The following NAV2 variants were observed in gnomAD, a reference collection of about 807,000 sequenced individuals.
The protein encoded by NAV2 is helicase, APC down-regulated 1.
A neutral mutation model predicts 223.2 loss-of-function variants in NAV2; 54 were observed. That is an observed-to-expected ratio of 0.24 (90% CI 0.19 to 0.30). NAV2 has a LOEUF of 0.30. Ranked by LOEUF, NAV2 falls within the 10% of genes least tolerant of loss-of-function variation. The probability of loss-of-function intolerance (pLI) is 1.00; values close to 1 mark genes in which losing one functional copy is unlikely to be tolerated. For missense variants in NAV2, 2,806 were observed against 3,147.5 expected (o/e 0.89, Z 2.60); for synonymous variants, 1,279 against 1,239.3 (o/e 1.03, Z -0.67).
chr11:19,825,291 CAAAAAAAAAAAAAAAAAAA>C (rs58499844), intron 1 of NAV2, among the ~76,000 whole-genome samples: 1 of 48,206 alleles, frequency 2.1e-5, no homozygotes, highest in Non-Finnish European at 3.3e-5. Context: ...GACTCTGTCT[CAAAAAAAAAAAAAAAAAAA>C]AAAAAAAAAA....
chr11:19,540,829 T>G (rs1045986232), intron 1 of NAV2, among the ~76,000 whole-genome samples: 1 of 152,126 alleles, frequency 6.6e-6, no homozygotes. Context: ...GGAGGCAAGG[T>G]TGAAATGAGC....
upstream of NAV2, among the ~76,000 whole-genome samples, chr11:19,708,528 G>A (rs1033684385): frequency 1.3e-5 from 2 of 152,088 alleles, no homozygotes; most frequent in Non-Finnish European, 2.9e-5. Context: ...CTGTCTTCTT[G>A]GGAGGTCAGG....
intron 7 of NAV2, among the ~76,000 whole-genome samples, chr11:19,934,531 A>C (rs540580967): frequency 2.0e-4 from 31 of 152,272 alleles, no homozygotes; most frequent in African/African-American, 6.7e-4. Flanking sequence ...CCCAGGATGC[A>C]TAGGAAAGTG....
intron 11 of NAV2, among the ~76,000 whole-genome samples, chr11:19,986,580 A>T (rs1199419225): frequency 6.6e-6 from 1 of 152,208 alleles, no homozygotes; most frequent in Non-Finnish European, 1.5e-5. Context: ...AGATTGTGCC[A>T]TTGCAGCCAT....
rs146720224 is a variant in NAV2, at chr11:20,097,676, G to A, written c.6112G>A (p.Glu2038Lys). 5.8e-3 allele frequency: 9,375 copies of A among 1,613,376 alleles called. 47 individuals carry two copies. The highest frequency in any genetic ancestry group is 7.2e-3 in the Non-Finnish European group (8,438 of 1,179,830). Residue 2038 changes from glutamate to lysine, a missense_variant, in exon 31 of 38, where the codon GAA (glutamate) becomes AAA (lysine). Physicochemically the swap from Glu to Lys is moderately conservative, Grantham distance 56. Around this residue, in one of 4 missense-constraint regions of NAV2, gnomAD observed 824 missense variants for 1,069.4 expected, o/e 0.77. Coordinates refer to ENST00000349880, the MANE Select transcript of NAV2 (RefSeq NM_145117.5). ...IGEIKRSNTS[E>K]TPELLPCGYL... ...AGAAATCAAGCGCAGCAACACTTCCGAAACACCGGAGCTGCTTCCTTGTGG... is the reference window on the plus strand; with the variant it reads ...AGAAATCAAGCGCAGCAACACTTCCAAAACACCGGAGCTGCTTCCTTGTGG...
At chr11:19,347,232 C>G (rs1424890059), upstream of NAV2, among the ~76,000 whole-genome samples, 1 of 152,138 alleles carries the variant, frequency 6.6e-6, no homozygotes, top group Non-Finnish European at 1.5e-5. Flanking sequence ...GAAGGCCTGG[C>G]CTGTGACTTG....
intron 1 of NAV2, among the ~76,000 whole-genome samples, chr11:19,454,801 G>A (rs981674744): frequency 3.3e-5 from 5 of 152,164 alleles, no homozygotes; most frequent in Non-Finnish European, 5.9e-5. Context: ...GCTAGCAAGG[G>A]GAGTGTTGGG....
chr11:19,833,123 T>C (rs2060040347), intron 2 of NAV2, among the ~76,000 whole-genome samples: 1 of 152,238 alleles, frequency 6.6e-6, no homozygotes, highest in African/African-American at 2.4e-5. Flanking sequence ...CTTGACCATG[T>C]GCTGGGAGGA....
At position 19,882,969 on chromosome 11, in the gene NAV2, C is replaced by CT. The variant is rs574515849; in HGVS notation, c.770+2843dup. Among the ~76,000 whole-genome samples, 1,135 of 152,322 alleles carry CT rather than the reference C, an allele frequency of 7.5e-3. 4 individuals are homozygous for CT. Among genetic ancestry groups the CT allele is most frequent in the Non-Finnish European group, 0.013 (865 of 68,038 alleles). On this transcript the variant is annotated intron_variant, in intron 5 of 37. Coordinates refer to ENST00000349880, the MANE Select transcript of NAV2 (RefSeq NM_145117.5). The stretch of plus-strand genomic sequence containing the variant: ...AGGTCTAGGGATATGCTATCCCATG[C>CT]TAACACTCTGGCTATAAATTTAAGA...
intron 12 of NAV2, 25 bp downstream of exon 12, chr11:20,036,122 C>G (rs1379593553): frequency 6.2e-7 from 1 of 1,613,832 alleles, no homozygotes; most frequent in East Asian, 2.2e-5. Context: ...CCCTCCCAGG[C>G]TCCTCCAGCA....
intron 1 of NAV2, among the ~76,000 whole-genome samples, chr11:19,387,781 A>G (rs1849098900): frequency 6.6e-6 from 1 of 152,198 alleles, no homozygotes; most frequent in Admixed American, 6.5e-5. Context: ...AATTTGATTT[A>G]AATAGAGTTC....
At chr11:19,714,533 C>A in intron 1 of NAV2, 1 of 453,642 alleles carries the variant, frequency 2.2e-6, no homozygotes, top group Non-Finnish European at 4.4e-6. Context: ...GGGCAAGGTG[C>A]TGGGACTGCG....
intron 1 of NAV2, among the ~76,000 whole-genome samples, chr11:19,560,151 G>A (rs1479190266): frequency 6.6e-6 from 1 of 152,144 alleles, no homozygotes; most frequent in African/African-American, 2.4e-5. Context: ...GGTGGTAAAA[G>A]AGACTATTTT....
chr11:19,897,130 A>G (rs984819328), intron 6 of NAV2, among the ~76,000 whole-genome samples: 27 of 152,176 alleles, frequency 1.8e-4, no homozygotes, highest in Non-Finnish European at 2.8e-4. Flanking sequence ...AACTATCACA[A>G]GGACAAAAAA....
At chr11:19,785,210 T>A (rs1468252060) in intron 1 of NAV2, among the ~76,000 whole-genome samples, 3 of 152,212 alleles carry the variant, frequency 2.0e-5, no homozygotes, top group Non-Finnish European at 4.4e-5. Context: ...ACAAGTGGCC[T>A]GGAACAATCT....
intron 1 of NAV2, among the ~76,000 whole-genome samples, chr11:19,688,125 T>A (rs1000145223): frequency 3.3e-5 from 5 of 152,096 alleles, no homozygotes; most frequent in Admixed American, 2.6e-4. Flanking sequence ...CTACCTAGAG[T>A]TGGCTCATTA....
At chr11:19,773,863 A>G (rs1448486749) in intron 1 of NAV2, among the ~76,000 whole-genome samples, 1 of 152,074 alleles carries the variant, frequency 6.6e-6, no homozygotes, top group Non-Finnish European at 1.5e-5. Context: ...CCCTTCCTCC[A>G]GTCTCTACCT....
chr11:19,389,185 T>C (rs1434467655), intron 1 of NAV2, among the ~76,000 whole-genome samples: 3 of 152,246 alleles, frequency 2.0e-5, no homozygotes, highest in Non-Finnish European at 2.9e-5. Flanking sequence ...GAGCAGTGAC[T>C]GGCTTGCTGT....
chr11:19,635,190 G>A (rs1245518970), intron 1 of NAV2, among the ~76,000 whole-genome samples: 2 of 152,186 alleles, frequency 1.3e-5, no homozygotes, highest in Non-Finnish European at 2.9e-5. Flanking sequence ...TATAAGATGT[G>A]GTTGTACTGG....
Sources: allele counts gnomAD v4.1 joint callset (sites outside exome capture counted in the v4.1 genomes callset), GRCh38; gene constraint gnomAD v4.1.1; regional missense constraint gnomAD v4.1.1; transcripts MANE v1.5; gene names NCBI Gene and HGNC (gene_info 2026-07-23, HGNC 2026-07-21).